The following CUL4A variants were observed in gnomAD, a reference collection of about 807,000 sequenced individuals.
CUL4A encodes the protein cullin-4A.
In CUL4A, 16 loss-of-function variants were observed where a neutral mutation model predicts 95.5. That is an observed-to-expected ratio of 0.17 (90% CI 0.11 to 0.25). CUL4A has a LOEUF of 0.25. Among genes scored for constraint, CUL4A ranks in the 10% least tolerant of loss-of-function variants. The pLI is 1.00. For missense variants in CUL4A, 610 were observed against 937.0 expected, an observed-to-expected ratio of 0.65 and a Z score of 4.56; for synonymous variants, 380 against 353.1, an observed-to-expected ratio of 1.08 and a Z score of -0.85.
intron 3 of CUL4A, among the ~76,000 whole-genome samples, chr13:113,226,423 A>G (rs947134684): frequency 1.7e-4 from 26 of 152,336 alleles, no homozygotes; most frequent in African/African-American, 6.3e-4. Context: ...AAAGGGAACA[A>G]TGTCTGCACC....
intron 16 of CUL4A, among the ~76,000 whole-genome samples, chr13:113,254,325 A>G (rs865986297): frequency 6.6e-6 from 1 of 152,208 alleles, no homozygotes; most frequent in African/African-American, 2.4e-5. Context: ...AGTCCCGTAT[A>G]AAAGAAAGCT....
chr13:113,224,216 G>A (rs1167504474), intron 3 of CUL4A, among the ~76,000 whole-genome samples: 2 of 152,130 alleles, frequency 1.3e-5, no homozygotes, highest in Admixed American at 1.3e-4. Flanking sequence ...AGCCGGGCGT[G>A]GTGGCGGGCA....
chr13:113,224,767 C>G (rs187457276), intron 3 of CUL4A, among the ~76,000 whole-genome samples: 9 of 152,210 alleles, frequency 5.9e-5, no homozygotes, highest in Admixed American at 5.9e-4. Context: ...TCTTTATTGA[C>G]CATATTTTCC....
intron 7 of CUL4A, 114 bp downstream of exon 7, chr13:113,234,100 C>T: frequency 1.6e-6 from 1 of 618,008 alleles, no homozygotes; most frequent in South Asian, 2.3e-5. Flanking sequence ...CATTGAAAAT[C>T]TTCTGAAAGC....
chr13:113,236,776 CT>C, intron 8 of CUL4A, 46 bp from the exon 9 acceptor site: 1 of 1,319,540 alleles, frequency 7.6e-7, no homozygotes, highest in East Asian at 2.3e-5. Context: ...GAACCAGTCT[CT>C]TCTTTAAACT....
At chr13:113,232,466 G>C (rs550525043) in intron 5 of CUL4A, among the ~76,000 whole-genome samples, 1 of 150,760 alleles carries the variant, frequency 6.6e-6, no homozygotes, top group Non-Finnish European at 1.5e-5. Context: ...TGCCAATTCC[G>C]GATTTCTGGC....
rs571020961 is a variant in CUL4A, at chr13:113,256,315, G to A, written c.2031+1190G>A. Among the ~76,000 whole-genome samples, 8 of 152,134 alleles carry A rather than the reference G, an allele frequency of 5.3e-5. No homozygotes were observed. In the East Asian group the frequency reaches 1.5e-3, roughly 29 times the overall value. ...ACCCACCAGGGCTGGCAGTGCCCTC[G>A]GCCACAGGCACTAACATTCCTCCAC... On this transcript the variant is annotated intron_variant, in intron 18 of 19. Transcript: ENST00000375440.
chr13:113,233,154 C>T (rs2041417308), intron 5 of CUL4A, 23 bp from the exon 6 acceptor site: 1 of 1,602,004 alleles, frequency 6.2e-7, no homozygotes, highest in African/African-American at 1.3e-5. Flanking sequence ...AAAATGTAGT[C>T]CTGTTTCTTA....
In CUL4A at chr13:113,254,754, G is replaced by T; in HGVS notation, c.1814G>T (p.Gly605Val). The change falls in exon 17 of 20, where the codon GGA becomes GTA. Residue 605 changes from glycine to valine, a missense_variant. By Grantham distance (109) the Gly-to-Val change is moderately radical (BLOSUM62 -3). This residue lies in a region of CUL4A where 72 missense variants were observed against 93.2 expected (regional missense o/e 0.77). Transcript: ENST00000375440. ...QTLVLLMFNE[G>V]DGFSFEEIKM... ...CTGGTGCTCCTCATGTTCAACGAGG[G>T]AGATGGCTTCAGCTTTGAGGAGATA... 1 of 1,613,550 alleles carries T rather than the reference G, an allele frequency of 6.2e-7. No homozygotes were observed. The highest frequency in any genetic ancestry group is 8.5e-7 in the Non-Finnish European group (1 of 1,179,888).
At chr13:113,216,624 A>G (rs929287599) in intron 2 of CUL4A, among the ~76,000 whole-genome samples, 4 of 152,214 alleles carry the variant, frequency 2.6e-5, no homozygotes, top group South Asian at 2.1e-4. Context: ...GTGCACCAAC[A>G]TGAAGCACAC....
intron 15 of CUL4A, among the ~76,000 whole-genome samples, chr13:113,248,162 A>G (rs1384823004): frequency 6.6e-6 from 1 of 152,206 alleles, no homozygotes; most frequent in Non-Finnish European, 1.5e-5. Context: ...AGACATTTCA[A>G]GACTACGTAA....
At position 113,210,069 on chromosome 13, in the gene CUL4A, A is replaced by C; in HGVS notation, c.245A>C (p.Asn82Thr). 6.6e-7 allele frequency: 1 copy of C among 1,512,306 alleles called. No homozygotes were observed. Among genetic ancestry groups the C allele is most frequent in the Non-Finnish European group, 8.8e-7 (1 of 1,131,138 alleles). 93.7% of individuals were successfully genotyped at this position (1,512,306 alleles called of 1,614,324 possible). The change falls in exon 2 of 20, where the codon AAC (asparagine) becomes ACC (threonine). Residue 82 changes from asparagine to threonine, a missense_variant. Asn to Thr is a moderately conservative substitution (Grantham distance 65). Coordinates refer to ENST00000375440, the MANE Select transcript of CUL4A (RefSeq NM_001008895.4). ...CAGAGCAGCACCTCCATCAGGTACAACCTCGAGGAGCTCTACCAGGTGAGG... is the reference window on the plus strand; with the variant it reads ...CAGAGCAGCACCTCCATCAGGTACACCCTCGAGGAGCTCTACCAGGTGAGG... ...AVQSSTSIRY[N>T]LEELYQAVEN...
chr13:113,240,195 G>A (rs960534819), intron 10 of CUL4A, among the ~76,000 whole-genome samples: 1 of 152,182 alleles, frequency 6.6e-6, no homozygotes, highest in Non-Finnish European at 1.5e-5. Context: ...ACCCCACCAA[G>A]GGGACATTTG....
chr13:113,224,105 T>C (rs574791048), intron 3 of CUL4A, among the ~76,000 whole-genome samples: 43 of 152,216 alleles, frequency 2.8e-4, no homozygotes, highest in Non-Finnish European at 5.3e-4. Context: ...GTAATCCCAG[T>C]ACTTTGGGAG....
At chr13:113,252,975 A>C (rs1279014415) in intron 15 of CUL4A, 107 bp from the exon 16 acceptor site, 1 of 561,972 alleles carries the variant, frequency 1.8e-6, no homozygotes. Flanking sequence ...TATAGAGCTG[A>C]CCTTTTAATT....
intron 2 of CUL4A, 125 bp from the exon 3 acceptor site, chr13:113,218,820 T>C: frequency 1.6e-6 from 1 of 607,334 alleles, no homozygotes. Flanking sequence ...TGTAGATTCC[T>C]GAAGTACTGG....
At chr13:113,244,923 G>C in intron 12 of CUL4A, 26 bp from the exon 13 acceptor site, 1 of 1,418,490 alleles carries the variant, frequency 7.0e-7, no homozygotes, top group Non-Finnish European at 1.0e-6. Context: ...CTGATGTCTT[G>C]ATTATTCTCG....
chr13:113,221,551 T>G (rs1176552058), intron 3 of CUL4A, among the ~76,000 whole-genome samples: 3 of 151,558 alleles, frequency 2.0e-5, no homozygotes, highest in Non-Finnish European at 2.9e-5. Flanking sequence ...GTGATAAGGG[T>G]TTTTTTTGTT....
At position 113,211,932 on chromosome 13, in the gene CUL4A, C is replaced by T. The variant is rs1413692912; in HGVS notation, c.264+1844C>T. The stretch of plus-strand genomic sequence containing the variant: ...CACTCCGCCACCAGCGTGTGCGTCT[C>T]TCCCAGCAGTGTATGGGAGCTCCAG... On this transcript the variant is annotated intron_variant, in intron 2 of 19. Coordinates refer to ENST00000375440, the MANE Select transcript of CUL4A (RefSeq NM_001008895.4). Among the ~76,000 whole-genome samples the T allele has an allele frequency of 2.0e-5, 3 of 152,188 alleles. No individual in the cohort carries two copies. The South Asian group carries it at 6.2e-4, about 31-fold the overall frequency.
Sources: gnomAD v4.1 joint callset for allele counts (sites outside exome capture counted in the v4.1 genomes callset) on GRCh38, gnomAD v4.1.1 for gene constraint, gnomAD v4.1.1 regional missense constraint, MANE v1.5 for transcripts, NCBI Gene and HGNC (gene_info 2026-07-23, HGNC 2026-07-21) for gene names.